The following SLC8A1 variants were observed in gnomAD, a reference collection of about 807,000 sequenced individuals.
The protein encoded by SLC8A1 is sodium/calcium exchanger 1.
SLC8A1 carries 18 observed loss-of-function variants against 68.3 expected under a neutral mutation model. That is an observed-to-expected ratio of 0.26 (90% CI 0.18 to 0.39). The LOEUF (loss-of-function observed/expected upper bound fraction) is 0.39. SLC8A1 is among the 10% of genes least tolerant of loss of function. The probability of loss-of-function intolerance (pLI) is 1.00; values close to 1 mark genes in which losing one functional copy is unlikely to be tolerated. For missense variants in SLC8A1, 985 were observed against 1,156.7 expected, an observed-to-expected ratio of 0.85 and a Z score of 2.15; for synonymous variants, 475 against 415.5, an observed-to-expected ratio of 1.14 and a Z score of -1.74.
At chr2:40,298,709 T>A (rs1215808408) in intron 2 of SLC8A1, among the ~76,000 whole-genome samples, 1 of 152,216 alleles carries the variant, frequency 6.6e-6, no homozygotes, top group Non-Finnish European at 1.5e-5. Context: ...ATACGTGCTG[T>A]AAGGATGACA....
At chr2:40,264,448 C>A (rs1383624030) in intron 2 of SLC8A1, among the ~76,000 whole-genome samples, 1 of 152,024 alleles carries the variant, frequency 6.6e-6, no homozygotes, top group Non-Finnish European at 1.5e-5. Flanking sequence ...TTGGAACCAA[C>A]CCAAATGTCC....
intron 2 of SLC8A1, among the ~76,000 whole-genome samples, chr2:40,283,177 T>C (rs2067771477): frequency 1.3e-5 from 2 of 152,314 alleles, no homozygotes; most frequent in East Asian, 1.9e-4. Context: ...ACATTAAATG[T>C]TTTCCTTTTT....
At chr2:40,112,170 A>G (rs1462261638) in exon 8 of SLC8A1, 2 of 152,700 alleles carry the variant, frequency 1.3e-5, no homozygotes, top group Admixed American at 1.3e-4. Context: ...TTATTTCTTC[A>G]AAACATGAAA....
chr2:40,429,633 G>C (rs745391497), exon 2 of SLC8A1: 1 of 1,613,804 alleles, frequency 6.2e-7, no homozygotes, highest in Admixed American at 1.7e-5. Flanking sequence ...TGTAAAGCCA[G>C]GTGTAGGCAA....
At chr2:40,157,727 C>G (rs1453619791) in intron 6 of SLC8A1, among the ~76,000 whole-genome samples, 2 of 152,296 alleles carry the variant, frequency 1.3e-5, no homozygotes, top group Non-Finnish European at 2.9e-5. Context: ...CCTCGTGGTA[C>G]TGGACTTGCC....
chr2:40,368,428 C>G (rs193265698), intron 2 of SLC8A1, among the ~76,000 whole-genome samples: 4 of 151,916 alleles, frequency 2.6e-5, no homozygotes, highest in African/African-American at 9.6e-5. Context: ...CTTCTGAACC[C>G]CTAAGTCTTT....
At chr2:40,135,048 T>C (rs2040225773) in intron 7 of SLC8A1, among the ~76,000 whole-genome samples, 1 of 152,020 alleles carries the variant, frequency 6.6e-6, no homozygotes, top group Non-Finnish European at 1.5e-5. Flanking sequence ...ATGAAGGGGA[T>C]ATGAGACAGC....
intron 1 of SLC8A1, among the ~76,000 whole-genome samples, chr2:40,477,407 C>T (rs148580080): frequency 1.3e-5 from 2 of 152,250 alleles, no homozygotes; most frequent in African/African-American, 2.4e-5. Context: ...AATGATCCAC[C>T]TACTCCTTCT....
rs1369044751 is a variant in SLC8A1 at position 40,480,690 on chromosome 2, G to T, written c.-25+31659C>A. 3.9e-5 allele frequency among the ~76,000 whole-genome samples: 6 copies of T among 152,116 alleles called. No homozygotes were observed. In the East Asian group the frequency reaches 1.2e-3, roughly 29 times the overall value. ...CTTGTTGGAGTGGAAAGGACTCAAG[G>T]ACATAATTTAACAAGTTGTGCTGGG... is the stretch of plus-strand genomic sequence containing the variant. On this transcript the variant is annotated intron_variant, in intron 1 of 7. Transcript: ENST00000402441.
intron 2 of SLC8A1, among the ~76,000 whole-genome samples, chr2:40,345,365 T>C (rs537319796): frequency 1.1e-4 from 16 of 152,088 alleles, no homozygotes; most frequent in Non-Finnish European, 2.1e-4. Context: ...GCAAAGAAAA[T>C]TGAAGTGTGA....
chr2:40,479,101 A>C (rs1043145562), intron 1 of SLC8A1, among the ~76,000 whole-genome samples: 1 of 152,188 alleles, frequency 6.6e-6, no homozygotes, highest in Non-Finnish European at 1.5e-5. Context: ...CTTCAGGAGA[A>C]CGTATAAATT....
intron 2 of SLC8A1, among the ~76,000 whole-genome samples, chr2:40,411,798 C>G (rs755477690): frequency 1.3e-5 from 2 of 151,848 alleles, no homozygotes; most frequent in African/African-American, 4.8e-5. Context: ...TAAAAAGTAG[C>G]CATCTCTGGT....
chr2:40,314,965 A>C (rs915107253), intron 2 of SLC8A1, among the ~76,000 whole-genome samples: 6 of 151,994 alleles, frequency 3.9e-5, no homozygotes, highest in African/African-American at 1.4e-4. Context: ...CTGTCTTTCC[A>C]ATCTGGATGT....
exon 2 of SLC8A1, chr2:40,428,910 A>G (rs1477567957): frequency 6.2e-7 from 1 of 1,613,850 alleles, no homozygotes; most frequent in Admixed American, 1.7e-5. Flanking sequence ...CAGTAAATTC[A>G]TAATCAGACC....
At chr2:40,270,867 T>G (rs1311933030) in intron 2 of SLC8A1, among the ~76,000 whole-genome samples, 2 of 151,732 alleles carry the variant, frequency 1.3e-5, no homozygotes, top group African/African-American at 4.8e-5. Flanking sequence ...CAGGAGGGAG[T>G]GAGGCTTCAG....
intron 1 of SLC8A1, among the ~76,000 whole-genome samples, chr2:40,447,181 A>T (rs1310180813): frequency 6.6e-6 from 1 of 152,196 alleles, no homozygotes; most frequent in African/African-American, 2.4e-5. Flanking sequence ...TCACACTAGC[A>T]TTTTCTAGGT....
chr2:40,365,463 C>T (rs1444145538), intron 2 of SLC8A1, among the ~76,000 whole-genome samples: 1 of 151,992 alleles, frequency 6.6e-6, no homozygotes, highest in Admixed American at 6.6e-5. Flanking sequence ...ATTAACTGCC[C>T]ATTTCACTTT....
chr2:40,361,337 A>G (rs998285693), intron 2 of SLC8A1, among the ~76,000 whole-genome samples: 1 of 152,156 alleles, frequency 6.6e-6, no homozygotes, highest in African/African-American at 2.4e-5. Context: ...TTCAATTGTG[A>G]TATGTAAGAG....
intron 2 of SLC8A1, among the ~76,000 whole-genome samples, chr2:40,234,969 A>C (rs1175872837): frequency 1.3e-5 from 2 of 152,270 alleles, no homozygotes; most frequent in Admixed American, 1.3e-4. Context: ...CATGGTGGAT[A>C]AGCTTTTTGA....
Sources: allele counts gnomAD v4.1 joint callset (sites outside exome capture counted in the v4.1 genomes callset), GRCh38; gene constraint gnomAD v4.1.1; transcripts MANE v1.5; gene names NCBI Gene and HGNC (gene_info 2026-07-23, HGNC 2026-07-21).